The following DNAH1 variants were observed in gnomAD, a reference collection of about 807,000 sequenced individuals.
DNAH1 encodes the protein dynein axonemal heavy chain 1, also known as axonemal beta dynein heavy chain 1.
In DNAH1, 327 loss-of-function variants were observed where a neutral mutation model predicts 484.3. That is an observed-to-expected ratio of 0.68 (90% CI 0.62 to 0.74). The LOEUF (loss-of-function observed/expected upper bound fraction) is 0.74. Ranked by LOEUF, DNAH1 falls within the 30% of genes least tolerant of loss-of-function variation. The pLI, the probability that DNAH1 is intolerant of heterozygous loss-of-function variation, is 0.00. For synonymous variants in DNAH1, 2,192 were observed against 2,191.9 expected (o/e 1.00, Z 0.00); for missense variants, 5,052 against 5,546.8 (o/e 0.91, Z 2.83).
In DNAH1 at chr3:52,345,519, A is replaced by G. The variant is rs1449951214; in HGVS notation, c.1469A>G (p.His490Arg). Reference protein sequence around the residue: ...ERGLVSVPKYHFWEQKEDFTF... With the variant: ...ERGLVSVPKYRFWEQKEDFTF... ...GGGCTGGTGAGTGTCCCCAAGTACC[A>G]CTTCTGGGAGCAGAAGGAGGACTTC... The change falls in exon 10 of 78, where the codon CAC becomes CGC. Residue 490 changes from histidine to arginine, a missense_variant. By Grantham distance (29) the His-to-Arg change is conservative. Transcript: ENST00000420323. 4.3e-5 allele frequency: 67 copies of G among 1,572,086 alleles called. No individual in the cohort carries two copies. Among genetic ancestry groups the G allele is most frequent in the Non-Finnish European group, 5.7e-5 (66 of 1,158,038 alleles).
In DNAH1 at chr3:52,384,930, CTG is replaced by C; in HGVS notation, c.8468_8469del (p.Leu2823ArgfsTer21). 6.2e-7 allele frequency: 1 copy of C among 1,613,662 alleles called. No homozygotes were observed. The highest frequency in any genetic ancestry group is 1.1e-5 in the South Asian group (1 of 91,022). ...CTCCATCCTCATCGGGCAGAAGAAA[CTG>C]GAGCTGAAAACTGCCAAGAACCGCA... Reference protein sequence around the residue: ...IFSILIGQKKLELKTAKNRMK... With the variant: ...IFSILIGQKKXELKTAKNRMK... On this transcript the variant is annotated frameshift_variant, in exon 53 of 78. Coordinates refer to ENST00000420323, the MANE Select transcript of DNAH1 (RefSeq NM_015512.5). LOFTEE classifies it high-confidence loss of function.
intron 35 of DNAH1, 40 bp downstream of exon 35, chr3:52,366,588 G>A: frequency 1.3e-6 from 2 of 1,564,594 alleles, no homozygotes; most frequent in Non-Finnish European, 8.7e-7. Flanking sequence ...TCCGGATAGT[G>A]GGCCTGTAGG....
chr3:52,365,522 G>A (rs1256925092), intron 34 of DNAH1, among the ~76,000 whole-genome samples: 1 of 152,182 alleles, frequency 6.6e-6, no homozygotes, highest in Non-Finnish European at 1.5e-5. Context: ...TGTTGCAAAG[G>A]CCACCATGTG....
Position 52,368,783 on chromosome 3 carries a change from C to A in DNAH1, c.5808C>A (p.Ile1936=), listed in dbSNP as rs774565847. The change falls in exon 37 of 78, where the codon ATC becomes ATA. Residue 1936 remains isoleucine (I), a synonymous_variant. Coordinates refer to ENST00000420323, the MANE Select transcript of DNAH1 (RefSeq NM_015512.5). This position sits in a 1 kb window ranked among gnomAD's most constrained non-coding sequence, Gnocchi z 4.4. ...IFSSFIRAGA[I]TSDTNKKWYM... ...CCTCGTTCATCCGGGCGGGGGCCAT[C>A]ACCTCCGACACCAACAAGAAGTGGT... The A allele has an allele frequency of 3.1e-6, 5 of 1,613,972 alleles. No homozygotes were observed. In the East Asian group the frequency reaches 1.1e-4, roughly 36 times the overall value.
At position 52,379,924 on chromosome 3, in the gene DNAH1, G is replaced by A. The variant is rs760706631; in HGVS notation, c.7397G>A (p.Arg2466Gln). Residue 2466 changes from arginine to glutamine, a missense_variant, in exon 48 of 78, where the codon CGA (arginine) becomes CAA (glutamine). Physicochemically the swap from Arg to Gln is conservative, Grantham distance 43. Coordinates refer to ENST00000420323, the MANE Select transcript of DNAH1 (RefSeq NM_015512.5). This position sits in a 1 kb window ranked among gnomAD's most constrained non-coding sequence, Gnocchi z 4.4. ...CTGCAGGACCAAGTGCAGCTGCTGC[G>A]ACTGTGGTATCACGAGAACTGCCGC... is the stretch of plus-strand genomic sequence containing the variant. ...AKVEDQVQLL[R>Q]LWYHENCRVF... is the part of the protein sequence containing the mutation. 92 of 1,567,380 alleles carry A rather than the reference G, an allele frequency of 5.9e-5. No individual in the cohort carries two copies. The highest frequency in any genetic ancestry group is 2.9e-4 in the South Asian group (25 of 84,894).
rs544176516 is a variant in DNAH1, at chr3:52,358,694, G to A, written c.4223G>A (p.Ser1408Asn). ...LREVERSMKA[S>N]VHDIIEKAIR... ...GAGGTGGAGCGCAGCATGAAGGCCA[G>A]TGTGCACGACATCATTGAGAAGGCC... Residue 1408 changes from serine to asparagine, a missense_variant, in exon 25 of 78, where the codon AGT (serine) becomes AAT (asparagine). By Grantham distance (46) the Ser-to-Asn change is conservative. This residue lies in a region of DNAH1 where 2,929 missense variants were observed against 3,409.4 expected (regional missense o/e 0.86). Coordinates refer to ENST00000420323, the MANE Select transcript of DNAH1 (RefSeq NM_015512.5). The surrounding 1 kb of genome is among the most constrained non-coding windows in gnomAD (Gnocchi z 4.2). 2 of 1,613,106 alleles carry A rather than the reference G, an allele frequency of 1.2e-6. No homozygotes were observed. The highest frequency in any genetic ancestry group is 1.7e-5 in the Admixed American group (1 of 60,006).
Position 52,392,494 on chromosome 3 carries a change from A to G in DNAH1, c.10083A>G (p.Val3361=), listed in dbSNP as rs371813743. The change falls in exon 64 of 78, where the codon GTA becomes GTG. Residue 3361 remains valine, a synonymous_variant. Coordinates refer to ENST00000420323, the MANE Select transcript of DNAH1 (RefSeq NM_015512.5). ...SGLEDQLLGQ[V]VAEERPDLEE... is the part of the protein sequence containing the mutation. ...TAGAGGACCAGCTACTGGGCCAGGTAGTGGCAGAGGAGCGACCCGACCTGG... is the reference window on the plus strand; with the variant it reads ...TAGAGGACCAGCTACTGGGCCAGGTGGTGGCAGAGGAGCGACCCGACCTGG... 2.9e-5 allele frequency: 47 copies of G among 1,613,654 alleles called. No homozygotes were observed. The highest frequency in any genetic ancestry group is 3.6e-5 in the Non-Finnish European group (43 of 1,179,818).
Position 52,398,836 on chromosome 3 carries a change from C to T in DNAH1, c.12090-14C>T, listed in dbSNP as rs771818011. 5 of 1,515,408 alleles carry T rather than the reference C, an allele frequency of 3.3e-6. No homozygotes were observed. The East Asian group carries it at 1.2e-4, about 35-fold the overall frequency. 93.9% of individuals were successfully genotyped at this position (1,515,408 alleles called of 1,614,324 possible). A position where few individuals can be genotyped will look rare whatever the true frequency, so the allele number is the denominator to read the frequency against. Reference sequence around the variant, plus strand: ...CCCAGCCCACTACCTATTCTCTTGCCACTGGCCTCACAGGTACAATCGGCT... The same window carrying T: ...CCCAGCCCACTACCTATTCTCTTGCTACTGGCCTCACAGGTACAATCGGCT... On this transcript the variant is annotated splice_polypyrimidine_tract_variant and intron_variant, in intron 75 of 77. Transcript: ENST00000420323.
At position 52,349,337 on chromosome 3, in the gene DNAH1, C is replaced by A. The variant is rs1355571892; in HGVS notation, c.2443C>A (p.Gln815Lys). 5 of 1,613,924 alleles carry A rather than the reference C, an allele frequency of 3.1e-6. No homozygotes were observed. Among genetic ancestry groups the A allele is most frequent in the Admixed American group, 1.7e-5 (1 of 60,004 alleles). Residue 815 changes from glutamine to lysine, a missense_variant, in exon 14 of 78, where the codon CAG becomes AAG. Gln to Lys is a moderately conservative substitution (Grantham distance 53, BLOSUM62 1). Around this residue, in one of 4 missense-constraint regions of DNAH1, gnomAD observed 1,263 missense variants for 1,218.8 expected, o/e 1.04. Transcript: ENST00000420323. ...CTACATCAACACCGACAATGTCAAG[C>A]AGAGCCTGTCCAAGAAACGCAAGGC... Reference protein sequence around the residue: ...PFYINTDNVKQSLSKKRKALA... With the variant: ...PFYINTDNVKKSLSKKRKALA...
intron 66 of DNAH1, 40 bp from the exon 67 acceptor site, chr3:52,394,425 G>C (rs1578203334): frequency 4.4e-6 from 7 of 1,605,434 alleles, no homozygotes; most frequent in Non-Finnish European, 6.0e-6. Context: ...GGAGGAGCTG[G>C]CCAGGGCCTG....
In DNAH1 at chr3:52,353,530, C is replaced by T. The variant is rs764679949; in HGVS notation, c.3377C>T (p.Ala1126Val). Residue 1126 changes from alanine to valine, a missense_variant, in exon 20 of 78, where the codon GCC becomes GTC. Physicochemically the swap from Ala to Val is moderately conservative, Grantham distance 64. This residue lies in a region of DNAH1 where 2,929 missense variants were observed against 3,409.4 expected (regional missense o/e 0.86). Transcript: ENST00000420323. This position sits in a 1 kb window ranked among gnomAD's most constrained non-coding sequence, Gnocchi z 5.0. ...ATCAACATCAATGTCAGGCCCAAGG[C>T]CAACCTGACCTTTGCTCGCTGCCTG... ...NQININVRPK[A>V]NLTFARCLEM... 1 of 1,613,882 alleles carries T rather than the reference C, an allele frequency of 6.2e-7. No homozygotes were observed. Among genetic ancestry groups the T allele is most frequent in the Non-Finnish European group, 8.5e-7 (1 of 1,179,872 alleles).
intron 21 of DNAH1, 117 bp from the exon 22 acceptor site, chr3:52,356,497 G>C: frequency 1.0e-6 from 1 of 982,778 alleles, no homozygotes; most frequent in Non-Finnish European, 1.5e-6. Context: ...ACTGGCTTTG[G>C]TGTCCAGTGC....
At chr3:52,337,949 C>A (rs2153223456) in intron 8 of DNAH1, among the ~76,000 whole-genome samples, 1 of 152,178 alleles carries the variant, frequency 6.6e-6, no homozygotes, top group East Asian at 1.9e-4. Flanking sequence ...TGTGAGCTAC[C>A]ACGCTTGGTT....
At chr3:52,383,318 C>T in intron 50 of DNAH1, 68 bp from the exon 51 acceptor site, 2 of 1,409,738 alleles carry the variant, frequency 1.4e-6, no homozygotes, top group South Asian at 1.3e-5. Context: ...TGTGAAGGTC[C>T]AGCGAGACTG....
chr3:52,353,690 C>T lies in DNAH1; in HGVS notation c.3480+57C>T. 1 of 1,546,906 alleles carries T rather than the reference C, an allele frequency of 6.5e-7. No homozygotes were observed. The highest frequency in any genetic ancestry group is 1.2e-5 in the South Asian group (1 of 83,748). ...AGCCAGGCCCTGCCGGACAGCCTGA[C>T]CTCCTGCTCTGGCAACCACAGCCAC... On this transcript the variant is annotated intron_variant, in intron 20 of 77. Coordinates refer to ENST00000420323, the MANE Select transcript of DNAH1 (RefSeq NM_015512.5). The surrounding 1 kb of genome is among the most constrained non-coding windows in gnomAD (Gnocchi z 5.0).
intron 6 of DNAH1, among the ~76,000 whole-genome samples, chr3:52,330,429 A>G (rs891907582): frequency 2.0e-5 from 3 of 152,188 alleles, no homozygotes; most frequent in Non-Finnish European, 4.4e-5. Context: ...TTCTCCTTGG[A>G]GAAGGGAACA....
chr3:52,385,946 T>TA (rs1383639850), intron 54 of DNAH1, among the ~76,000 whole-genome samples: 3 of 152,188 alleles, frequency 2.0e-5, no homozygotes, highest in Admixed American at 2.0e-4. Context: ...GTGGGGCACT[T>TA]ACATCCAAAC....
upstream of DNAH1, among the ~76,000 whole-genome samples, chr3:52,313,573 T>C (rs1411604263): frequency 2.0e-5 from 3 of 152,166 alleles, no homozygotes; most frequent in African/African-American, 7.2e-5. Context: ...CCAAGGAAGT[T>C]GTCAGCTCTA....
Position 52,391,504 on chromosome 3 carries a change from A to G in DNAH1, c.9953A>G (p.Glu3318Gly). 6.2e-7 allele frequency: 1 copy of G among 1,613,618 alleles called. No homozygotes were observed. The highest frequency in any genetic ancestry group is 8.5e-7 in the Non-Finnish European group (1 of 1,179,772). Residue 3318 changes from glutamate (E) to glycine (G), a missense_variant, in exon 63 of 78, where the codon GAG becomes GGG. Coordinates refer to ENST00000420323, the MANE Select transcript of DNAH1 (RefSeq NM_015512.5). ...GGGGACACGGTGATCCCCTACCATG[A>G]GGACTTCAGGATGTACATCACCACC... ...KLGDTVIPYH[E>G]DFRMYITTKL...
Sources: gnomAD v4.1 joint callset for allele counts (sites outside exome capture counted in the v4.1 genomes callset) on GRCh38, gnomAD v4.1.1 for gene constraint, gnomAD v4.1.1 regional missense constraint, Gnocchi (gnomAD v3.1) non-coding constraint, MANE v1.5 for transcripts, NCBI Gene and HGNC (gene_info 2026-07-23, HGNC 2026-07-21) for gene names.